The following SNAP29 variants were observed in gnomAD, a reference collection of about 807,000 sequenced individuals.
The protein encoded by SNAP29 is synaptosome associated protein 29, also known as synaptosomal-associated protein 29.
In SNAP29, 13 loss-of-function variants were observed where a neutral mutation model predicts 27.9. The ratio of observed to expected loss-of-function variants is 0.47; its 90% CI spans 0.30 to 0.74. SNAP29 has a LOEUF of 0.74. SNAP29 is among the 30% of genes least tolerant of loss of function. The probability of loss-of-function intolerance (pLI) is 0.06; values close to 1 mark genes in which losing one functional copy is unlikely to be tolerated. For synonymous variants in SNAP29, 119 were observed against 127.1 expected, an observed-to-expected ratio of 0.94 and a Z score of 0.43; for missense variants, 368 against 336.5, an observed-to-expected ratio of 1.09 and a Z score of -0.73.
rs1928238786 is a variant in SNAP29 at position 20,860,239 on chromosome 22, C to T, written c.237+892C>T. Among the ~76,000 whole-genome samples the T allele has an allele frequency of 2.0e-5, 3 of 150,698 alleles. No individual in the cohort carries two copies. The South Asian group carries it at 6.3e-4, about 32-fold the overall frequency. ...CCGGGTGTGGCGGTGCGCCTGTAGT[C>T]GCAGCTACTCAGGAGGCTGAGGTAG... On this transcript the variant is annotated intron_variant, in intron 1 of 4. Transcript: ENST00000215730.
At chr22:20,868,302 TCAG>T (rs1928508719) in intron 1 of SNAP29, among the ~76,000 whole-genome samples, 1 of 152,236 alleles carries the variant, frequency 6.6e-6, no homozygotes, top group Non-Finnish European at 1.5e-5. Flanking sequence ...GATGGTTTGT[TCAG>T]ACATCTCTTG....
chr22:20,887,157 G>A (rs1411686680), intron 4 of SNAP29, among the ~76,000 whole-genome samples: 2 of 151,536 alleles, frequency 1.3e-5, no homozygotes, highest in African/African-American at 2.4e-5. Flanking sequence ...CCCAGGAGAC[G>A]GAGGTTGCAG....
intron 1 of SNAP29, among the ~76,000 whole-genome samples, chr22:20,869,895 C>T (rs1312637421): frequency 2.6e-5 from 4 of 152,022 alleles, no homozygotes; most frequent in East Asian, 3.9e-4. Context: ...CTCAGCCCCC[C>T]GAGTAGCTGG....
chr22:20,860,168 T>C (rs1928231002), intron 1 of SNAP29, among the ~76,000 whole-genome samples: 1 of 147,872 alleles, frequency 6.8e-6, no homozygotes, highest in African/African-American at 2.5e-5. Flanking sequence ...CTGGGCAACA[T>C]GGTGAAACCC....
chr22:20,859,037 G>C lies in SNAP29; in HGVS notation c.-74G>C, dbSNP rs1011330501. 4.3e-6 allele frequency: 6 copies of C among 1,403,314 alleles called. 1 individual carries two copies. In the South Asian group the frequency reaches 6.3e-5, roughly 15 times the overall value. 86.9% of individuals were successfully genotyped at this position (1,403,314 alleles called of 1,614,324 possible). On this transcript the variant is annotated 5_prime_UTR_variant, in exon 1 of 5. Transcript: ENST00000215730. Reference sequence around the variant, plus strand: ...CGCGACGACCGCGGGGTCGGCGGGCGGGGCGAGGCCCTGGACGGCGGCGGC... The same window carrying C: ...CGCGACGACCGCGGGGTCGGCGGGCCGGGCGAGGCCCTGGACGGCGGCGGC...
Position 20,875,895 on chromosome 22 carries a change from T to G in SNAP29, c.435-5154T>G, listed in dbSNP as rs866374042. On this transcript the variant is annotated intron_variant, in intron 2 of 4. Transcript: ENST00000215730. ...TGGGGGGGCGGCTGGGTGCAGTGGC[T>G]CACGCCTGTAATCCCAGCACTTTTG... Among the ~76,000 whole-genome samples, 6 of 151,880 alleles carry G rather than the reference T, an allele frequency of 4.0e-5. No individual in the cohort carries two copies. The Middle Eastern group carries it at 0.01, about 264-fold the overall frequency.
At chr22:20,880,422 C>G (rs1928862856) in intron 2 of SNAP29, among the ~76,000 whole-genome samples, 1 of 151,692 alleles carries the variant, frequency 6.6e-6, no homozygotes, top group Middle Eastern at 3.2e-3. Flanking sequence ...GGGAGAATCA[C>G]TTGAACCCGA....
rs375718348 is a variant in SNAP29 at position 20,874,795 on chromosome 22, G to GT, written c.434+4271dup. On this transcript the variant is annotated intron_variant, in intron 2 of 4. Transcript: ENST00000215730. ...TTCTAGTCGTTGCTTGTTTTTTGTT[G>GT]TTTTTTTTTCAATATACATATCAGA... Among the ~76,000 whole-genome samples the GT allele has an allele frequency of 2.4e-3, 357 of 149,420 alleles. 2 individuals are homozygous for GT. The highest frequency in any genetic ancestry group is 8.3e-3 in the African/African-American group (337 of 40,658).
At chr22:20,886,788 T>G (rs1270293566) in intron 4 of SNAP29, among the ~76,000 whole-genome samples, 4 of 151,438 alleles carry the variant, frequency 2.6e-5, no homozygotes, top group Non-Finnish European at 5.9e-5. Context: ...ATTTTTATAT[T>G]TTTTAGTAGA....
chr22:20,863,418 C>G (rs1928380057), intron 1 of SNAP29, among the ~76,000 whole-genome samples: 1 of 152,120 alleles, frequency 6.6e-6, no homozygotes, highest in Admixed American at 6.6e-5. Context: ...TAATTCAGTC[C>G]CAGCTTGGCA....
Position 20,890,465 on chromosome 22 carries a change from TAAA to T in SNAP29, c.*2633_*2635del, listed in dbSNP as rs1172304430. ...TTATATGTTAAGTGTGCTACTAACT[TAAA>T]AAATAGTGGCTGGGCGCGGTGGCTC... On this transcript the variant is annotated 3_prime_UTR_variant, in exon 5 of 5. Transcript: ENST00000215730. 1 of 397,308 alleles carries T rather than the reference TAAA, an allele frequency of 2.5e-6. No homozygotes were observed. The highest frequency in any genetic ancestry group is 3.6e-5 in the East Asian group (1 of 28,004). The allele number at this position is 397,308 out of a possible 1,614,324, so 24.6% of individuals were successfully genotyped here.
chr22:20,878,294 C>T (rs1238464507), intron 2 of SNAP29, among the ~76,000 whole-genome samples: 1 of 152,166 alleles, frequency 6.6e-6, no homozygotes, highest in Non-Finnish European at 1.5e-5. Context: ...GTAATCCCAG[C>T]ACTTTGGGAG....
intron 2 of SNAP29, 31 bp from the exon 3 acceptor site, chr22:20,881,018 C>T (rs181730995): frequency 2.5e-5 from 36 of 1,435,274 alleles, no homozygotes; most frequent in East Asian, 1.1e-4. Context: ...CCTTTTTAAA[C>T]GTTTTCTTTT....
In SNAP29 at chr22:20,868,040, G is replaced by A. The variant is rs181323672; in HGVS notation, c.238-2297G>A. Reference sequence around the variant, plus strand: ...GCTTCTTCTGCAGCCTGCAAAGCTAGCTGGAACTGGACTGTCAGAAAAACA... The same window carrying A: ...GCTTCTTCTGCAGCCTGCAAAGCTAACTGGAACTGGACTGTCAGAAAAACA... On this transcript the variant is annotated intron_variant, in intron 1 of 4. Coordinates refer to ENST00000215730, the MANE Select transcript of SNAP29 (RefSeq NM_004782.4). Among the ~76,000 whole-genome samples, 510 of 152,324 alleles carry A rather than the reference G, an allele frequency of 3.3e-3. 4 individuals carry two copies. The highest frequency in any genetic ancestry group is 0.012 in the African/African-American group (486 of 41,574).
At chr22:20,878,704 G>A (rs988540297) in intron 2 of SNAP29, among the ~76,000 whole-genome samples, 3 of 152,204 alleles carry the variant, frequency 2.0e-5, no homozygotes, top group Non-Finnish European at 2.9e-5. Context: ...GGCAAAAATT[G>A]CGAGTAACCC....
At chr22:20,883,691 C>T (rs1479133394) in intron 4 of SNAP29, 122 bp downstream of exon 4, 1 of 734,456 alleles carries the variant, frequency 1.4e-6, no homozygotes, top group South Asian at 1.4e-5. Context: ...ACATCCCACG[C>T]CAAGCTGGGT....
rs762909408 is a variant in SNAP29 at position 20,881,050 on chromosome 22, T to C, written c.436T>C (p.Leu146=). 1.4e-5 allele frequency: 22 copies of C among 1,603,746 alleles called. No individual in the cohort carries two copies. The African/African-American group carries it at 2.4e-4, about 18-fold the overall frequency. Residue 146 remains leucine (L), a splice_region_variant and synonymous_variant, in exon 3 of 5, where the codon TTG becomes CTG. Transcript: ENST00000215730. ...GTLTSQPNNR[L]KEAISTSKEQ... ...TTTTTTGTGAACTTTTATCCAAAGA[T>C]TGAAAGAAGCTATAAGTACAAGTAA...
At chr22:20,879,464 G>A (rs999627720) in intron 2 of SNAP29, among the ~76,000 whole-genome samples, 1 of 151,876 alleles carries the variant, frequency 6.6e-6, no homozygotes, top group African/African-American at 2.4e-5. Context: ...GCTTGAACCC[G>A]GGAGATGGAG....
chr22:20,862,118 A>G (rs1029415154), intron 1 of SNAP29, among the ~76,000 whole-genome samples: 2 of 152,098 alleles, frequency 1.3e-5, no homozygotes, highest in African/African-American at 2.4e-5. Context: ...TCTCATACCT[A>G]CTGGATTCCT....
Sources: allele counts gnomAD v4.1 joint callset (sites outside exome capture counted in the v4.1 genomes callset), GRCh38; gene constraint gnomAD v4.1.1; transcripts MANE v1.5; gene names NCBI Gene and HGNC (gene_info 2026-07-23, HGNC 2026-07-21).